Variants in DCAF17 observed in about 807,000 individuals in gnomAD.
DCAF17 encodes DDB1 and CUL4 associated factor 17.
DCAF17 carries 48 observed loss-of-function variants against 66.0 expected under a neutral mutation model. The observed-to-expected ratio is 0.73, with a 90% confidence interval of 0.58 to 0.92. The LOEUF is 0.92. Among genes scored for constraint, DCAF17 ranks in the 40% least tolerant of loss-of-function variants. The pLI, the probability that DCAF17 is intolerant of heterozygous loss-of-function variation, is 0.00. For synonymous variants in DCAF17, 206 were observed against 214.6 expected (o/e 0.96, Z 0.35); for missense variants, 562 against 622.8 (o/e 0.90, Z 1.04).
At chr2:171,459,981 G>A (rs1238308748) in intron 8 of DCAF17, among the ~76,000 whole-genome samples, 2 of 152,098 alleles carry the variant, frequency 1.3e-5, no homozygotes, top group South Asian at 2.1e-4. Flanking sequence ...GGGTTATTTT[G>A]GACAGAGTTT....
At chr2:171,434,903 C>A in intron 1 of DCAF17, 180 bp from the exon 2 acceptor site, 1 of 1,032,472 alleles carries the variant, frequency 9.7e-7, no homozygotes, top group Non-Finnish European at 1.4e-6. Flanking sequence ...TTATGTCTTA[C>A]CTGGAAACAA....
chr2:171,479,864 T>C, intron 12 of DCAF17, 174 bp from the exon 13 acceptor site: 1 of 672,894 alleles, frequency 1.5e-6, no homozygotes, highest in Non-Finnish European at 2.4e-6. Flanking sequence ...TTGGAGCTGA[T>C]GTTTTACTAG....
Position 171,449,933 on chromosome 2 carries a change from C to G in DCAF17, c.513C>G (p.Asn171Lys), listed in dbSNP as rs774674106. 3.1e-6 allele frequency: 5 copies of G among 1,613,728 alleles called. No homozygotes were observed. In the South Asian group the frequency reaches 5.5e-5, roughly 18 times the overall value. Residue 171 changes from asparagine to lysine, a missense_variant, in exon 5 of 14, where the codon AAC (asparagine) becomes AAG (lysine). This residue lies in a region of DCAF17 where 348 missense variants were observed against 355.9 expected (regional missense o/e 0.98). Transcript: ENST00000375255. The stretch of plus-strand genomic sequence containing the variant: ...TCATTGCAGTTAAGTCAGCTCAGAA[C>G]AGAGGCTCAGCAGTGGCCCGGCAGG... ...QEVIAVKSAQ[N>K]RGSAVARQAG...
intron 2 of DCAF17, among the ~76,000 whole-genome samples, chr2:171,437,131 C>T (rs1005305256): frequency 2.0e-5 from 3 of 152,200 alleles, no homozygotes; most frequent in Non-Finnish European, 2.9e-5. Flanking sequence ...ATTACTCATG[C>T]TTTTGGTGCC....
In DCAF17 at chr2:171,468,923, G is replaced by A. The variant is rs1696077995; in HGVS notation, c.874G>A (p.Glu292Lys). The change falls in exon 9 of 14, where the codon GAG (glutamate) becomes AAG (lysine). Residue 292 changes from glutamate to lysine, a missense_variant. Coordinates refer to ENST00000375255, the MANE Select transcript of DCAF17 (RefSeq NM_025000.4). ...PPLLFEVSSLENAFQIGGHPW... is the reference protein window; with the variant it reads ...PPLLFEVSSLKNAFQIGGHPW... ...ACTGCTCTTTGAGGTGTCATCCCTG[G>A]AGAATGCTTTTCAGATTGGAGGCCA... The A allele has an allele frequency of 6.2e-7, 1 of 1,613,986 alleles. No individual in the cohort carries two copies. Among genetic ancestry groups the A allele is most frequent in the Non-Finnish European group, 8.5e-7 (1 of 1,180,002 alleles).
intron 8 of DCAF17, among the ~76,000 whole-genome samples, chr2:171,466,396 G>T (rs1024984968): frequency 5.3e-5 from 8 of 151,670 alleles, no homozygotes; most frequent in South Asian, 2.1e-4. Flanking sequence ...TCTTTTTAAG[G>T]CCCCTTTTTT....
intron 3 of DCAF17, among the ~76,000 whole-genome samples, chr2:171,447,227 AT>A (rs1694680277): frequency 6.6e-6 from 1 of 151,940 alleles, no homozygotes; most frequent in African/African-American, 2.4e-5. Context: ...AACAAAAATT[AT>A]TTTTTTCCTT....
intron 8 of DCAF17, among the ~76,000 whole-genome samples, chr2:171,465,102 G>A (rs145127110): frequency 6.6e-6 from 1 of 152,128 alleles, no homozygotes; most frequent in East Asian, 1.9e-4. Context: ...GGAGGCTGAG[G>A]CAGGAGAATC....
chr2:171,450,912 T>C (rs1363224295), intron 5 of DCAF17, among the ~76,000 whole-genome samples: 2 of 152,158 alleles, frequency 1.3e-5, no homozygotes, highest in African/African-American at 4.8e-5. Context: ...ATCATAGTGT[T>C]GGTAACCTTG....
intron 3 of DCAF17, chr2:171,447,376 C>A: frequency 2.7e-6 from 1 of 365,718 alleles, no homozygotes; most frequent in Non-Finnish European, 5.4e-6. Flanking sequence ...TTCTTTTTTT[C>A]TTTTTTGAGA....
At chr2:171,470,856 C>G (rs182216670) in intron 9 of DCAF17, among the ~76,000 whole-genome samples, 179 of 152,192 alleles carry the variant, frequency 1.2e-3, no homozygotes, top group Non-Finnish European at 1.1e-3. Flanking sequence ...GGTTCCACAT[C>G]TGTGGATTCA....
In DCAF17 at chr2:171,434,352, G is replaced by C. The variant is rs1310268313; in HGVS notation, c.-226G>C. ...CAGAGAGCCTGGGGCAGATCGAAAA[G>C]GGAGTGCTTCTTCCCTTCTCTCCGC... On this transcript the variant is annotated 5_prime_UTR_variant, in exon 1 of 14. Transcript: ENST00000375255. 6 of 766,204 alleles carry C rather than the reference G, an allele frequency of 7.8e-6. No individual in the cohort carries two copies. Among genetic ancestry groups the C allele is most frequent in the Non-Finnish European group, 1.3e-5 (6 of 454,536 alleles). 47.5% of individuals were successfully genotyped at this position (766,204 alleles called of 1,614,324 possible). A position where few individuals can be genotyped will look rare whatever the true frequency, so the allele number is the denominator to read the frequency against.
At chr2:171,480,936 G>T in intron 13 of DCAF17, 38 bp from the exon 14 acceptor site, 2 of 1,612,778 alleles carry the variant, frequency 1.2e-6, no homozygotes. Context: ...GAATATGGCT[G>T]TGTGAAAAGG....
At chr2:171,443,438 T>G (rs1694432503) in intron 2 of DCAF17, 85 bp from the exon 3 acceptor site, 2 of 1,143,062 alleles carry the variant, frequency 1.7e-6, no homozygotes, top group East Asian at 4.9e-5. Flanking sequence ...ATTTCACATC[T>G]CTGAATAAAA....
chr2:171,440,326 A>G (rs1694236209), intron 2 of DCAF17, among the ~76,000 whole-genome samples: 1 of 152,210 alleles, frequency 6.6e-6, no homozygotes, highest in Non-Finnish European at 1.5e-5. Context: ...CTGTCATCCC[A>G]GCACTTTTGG....
At chr2:171,455,689 T>G (rs1326834903) in intron 6 of DCAF17, among the ~76,000 whole-genome samples, 1 of 152,210 alleles carries the variant, frequency 6.6e-6, no homozygotes, top group Non-Finnish European at 1.5e-5. Flanking sequence ...TTTTTTGACT[T>G]TTTAATAATA....
intron 7 of DCAF17, 59 bp from the exon 8 acceptor site, chr2:171,458,313 C>T: frequency 1.4e-6 from 2 of 1,410,068 alleles, no homozygotes; most frequent in Admixed American, 1.7e-5. Flanking sequence ...TTTTTGTTCT[C>T]TCCAGATATC....
chr2:171,434,399 C>T lies in DCAF17; in HGVS notation c.-179C>T, dbSNP rs1300882598. ...CCGCGCTCTGGCGGTGCAAGCGGCT[C>T]TGCTTTCCCTCGCCCCGCCGTCGGG... is the stretch of plus-strand genomic sequence containing the variant. On this transcript the variant is annotated 5_prime_UTR_variant, in exon 1 of 14. Transcript: ENST00000375255. 39 of 1,089,920 alleles carry T rather than the reference C, an allele frequency of 3.6e-5. No homozygotes were observed. In the Admixed American group the frequency reaches 7.8e-4, roughly 22 times the overall value. The allele number at this position is 1,089,920 out of a possible 1,614,324, so 67.5% of individuals were successfully genotyped here.
chr2:171,463,888 C>T (rs1695742587), intron 8 of DCAF17, among the ~76,000 whole-genome samples: 1 of 152,136 alleles, frequency 6.6e-6, no homozygotes, highest in African/African-American at 2.4e-5. Context: ...TTATTTCTTC[C>T]CTTTAATTAT....
Sources: gnomAD v4.1 joint callset for allele counts (sites outside exome capture counted in the v4.1 genomes callset) on GRCh38, gnomAD v4.1.1 for gene constraint, gnomAD v4.1.1 regional missense constraint, MANE v1.5 for transcripts, NCBI Gene and HGNC (gene_info 2026-07-23, HGNC 2026-07-21) for gene names.